The following SLC35F3 variants were observed in gnomAD, a reference collection of about 807,000 sequenced individuals.
SLC35F3 encodes the protein putative thiamine transporter SLC35F3.
A neutral mutation model predicts 49.9 loss-of-function variants in SLC35F3; 25 were observed. That is an observed-to-expected ratio of 0.50 (90% confidence interval 0.37 to 0.70). The LOEUF is 0.70. Among genes scored for constraint, SLC35F3 ranks in the 30% least tolerant of loss-of-function variants. The pLI is 0.00. For synonymous variants in SLC35F3, 275 were observed against 265.4 expected (o/e 1.04, Z -0.35); for missense variants, 525 against 639.8 (o/e 0.82, Z 1.94).
intron 3 of SLC35F3, among the ~76,000 whole-genome samples, chr1:234,256,938 AC>A (rs1158522729): frequency 6.6e-6 from 1 of 152,244 alleles, no homozygotes; most frequent in African/African-American, 2.4e-5. Context: ...TCAGGCTGCA[AC>A]TGTTTATGAG....
chr1:234,139,976 A>AAAT (rs1553308903), intron 2 of SLC35F3, among the ~76,000 whole-genome samples: 3 of 139,636 alleles, frequency 2.1e-5, no homozygotes. Flanking sequence ...AAATAAAATA[A>AAAT]AATAAAATAA....
chr1:233,923,587 C>T (rs1239772959), intron 2 of SLC35F3, among the ~76,000 whole-genome samples: 1 of 152,182 alleles, frequency 6.6e-6, no homozygotes. Context: ...ATCATGTCAT[C>T]TGCAAACAGG....
intron 2 of SLC35F3, among the ~76,000 whole-genome samples, chr1:234,029,699 A>T (rs1470447538): frequency 2.6e-5 from 4 of 152,060 alleles, no homozygotes; most frequent in Admixed American, 6.6e-5. Context: ...ACCACTCTTT[A>T]AAAGTTTCGA....
intron 3 of SLC35F3, among the ~76,000 whole-genome samples, chr1:234,238,960 G>A (rs1315038318): frequency 1.3e-5 from 2 of 152,154 alleles, no homozygotes; most frequent in Non-Finnish European, 2.9e-5. Context: ...CAATTTCACT[G>A]AAATTCTTTG....
intron 2 of SLC35F3, among the ~76,000 whole-genome samples, chr1:234,128,823 T>G (rs916255618): frequency 5.9e-5 from 9 of 152,190 alleles, no homozygotes; most frequent in African/African-American, 1.9e-4. Flanking sequence ...TTCCATCACA[T>G]TTCTTTCACT....
rs1320685114 is a variant in SLC35F3 at position 234,324,341 on chromosome 1, G to A, written c.*1098G>A. 1 of 152,178 alleles carries A rather than the reference G, an allele frequency of 6.6e-6. No individual in the cohort carries two copies. Among genetic ancestry groups the A allele is most frequent in the Non-Finnish European group, 1.5e-5 (1 of 68,026 alleles). The allele number at this position is 152,178 out of a possible 1,614,324, so 9.4% of individuals were successfully genotyped here. On this transcript the variant is annotated 3_prime_UTR_variant, in exon 8 of 8. Coordinates refer to ENST00000366618, the MANE Select transcript of SLC35F3 (RefSeq NM_173508.4). ...AGTTTACATTGTTACATATGAAATG[G>A]AAACATTATTTTGAAACGTTGTCAT...
At chr1:234,239,884 G>A (rs1007938297) in intron 3 of SLC35F3, among the ~76,000 whole-genome samples, 5 of 152,204 alleles carry the variant, frequency 3.3e-5, no homozygotes, top group Admixed American at 1.3e-4. Flanking sequence ...GAAAAAAATG[G>A]AGACTTTAAT....
intron 2 of SLC35F3, among the ~76,000 whole-genome samples, chr1:234,130,073 A>G (rs762923711): frequency 6.6e-6 from 1 of 152,240 alleles, no homozygotes; most frequent in Non-Finnish European, 1.5e-5. Flanking sequence ...CCATTTAGAA[A>G]CACAAGCCAT....
At chr1:233,991,639 T>C (rs1663356584) in intron 2 of SLC35F3, among the ~76,000 whole-genome samples, 1 of 152,102 alleles carries the variant, frequency 6.6e-6, no homozygotes, top group Non-Finnish European at 1.5e-5. Context: ...CCCTAATTTG[T>C]TTTTTACTTA....
chr1:234,014,588 T>G (rs907846862), intron 2 of SLC35F3, among the ~76,000 whole-genome samples: 2 of 152,092 alleles, frequency 1.3e-5, no homozygotes, highest in African/African-American at 4.8e-5. Context: ...CTTTGACCAC[T>G]CCACCCAAAA....
intron 2 of SLC35F3, among the ~76,000 whole-genome samples, chr1:234,211,512 A>G (rs1016435105): frequency 2.4e-4 from 36 of 152,144 alleles, no homozygotes; most frequent in African/African-American, 8.2e-4. Flanking sequence ...CCCCCCTTAC[A>G]TTGGTGTGAC....
At chr1:234,171,733 G>C (rs1047121589) in intron 2 of SLC35F3, among the ~76,000 whole-genome samples, 1 of 152,164 alleles carries the variant, frequency 6.6e-6, no homozygotes, top group Non-Finnish European at 1.5e-5. Context: ...AGCTAGACAG[G>C]AAGAATAATT....
Position 234,277,502 on chromosome 1 carries a change from A to G in SLC35F3, c.609-31599A>G, listed in dbSNP as rs183490206. On this transcript the variant is annotated intron_variant, in intron 3 of 7. Coordinates refer to ENST00000366618, the MANE Select transcript of SLC35F3 (RefSeq NM_173508.4). The stretch of plus-strand genomic sequence containing the variant: ...AAAGGCATCTTTACATCAGTGCTGC[A>G]TAGGTAGAAAAACGTTTTCTACATT... Among the ~76,000 whole-genome samples the G allele has an allele frequency of 2.7e-4, 41 of 152,382 alleles. No individual in the cohort carries two copies. The East Asian group carries it at 6.9e-3, about 26-fold the overall frequency.
At chr1:234,152,856 C>T (rs867308559) in intron 2 of SLC35F3, among the ~76,000 whole-genome samples, 1 of 152,148 alleles carries the variant, frequency 6.6e-6, no homozygotes, top group Non-Finnish European at 1.5e-5. Flanking sequence ...AATGTAAAAG[C>T]GTTTCTATTT....
chr1:234,162,419 T>C (rs6421392), intron 2 of SLC35F3, among the ~76,000 whole-genome samples: 19,661 of 129,218 alleles, frequency 0.15, 4,816 homozygotes, highest in African/African-American at 0.51. Flanking sequence ...AAGCAATCTT[T>C]AACAGAAGGT....
At chr1:234,294,061 C>T (rs1668552060) in intron 3 of SLC35F3, among the ~76,000 whole-genome samples, 1 of 152,152 alleles carries the variant, frequency 6.6e-6, no homozygotes, top group Admixed American at 6.5e-5. Flanking sequence ...GGGATAATTC[C>T]CCTGAATGTT....
chr1:233,965,170 G>T (rs897343344), intron 2 of SLC35F3, among the ~76,000 whole-genome samples: 1 of 152,036 alleles, frequency 6.6e-6, no homozygotes, highest in Non-Finnish European at 1.5e-5. Flanking sequence ...ATTCTCTAAG[G>T]GTTGAAGTTT....
intron 2 of SLC35F3, among the ~76,000 whole-genome samples, chr1:234,147,230 C>CT (rs201359916): frequency 0.22 from 27,128 of 124,860 alleles, 3,742 homozygotes; most frequent in Non-Finnish European, 0.33. Flanking sequence ...TTTCTATTTT[C>CT]TTTTTTTTTT....
At chr1:234,148,283 A>G (rs1014283192) in intron 2 of SLC35F3, among the ~76,000 whole-genome samples, 1 of 151,932 alleles carries the variant, frequency 6.6e-6, no homozygotes, top group Non-Finnish European at 1.5e-5. Flanking sequence ...ATCCACACGC[A>G]CTCAAGATGG....
Sources: gnomAD v4.1 joint callset for allele counts (sites outside exome capture counted in the v4.1 genomes callset) on GRCh38, gnomAD v4.1.1 for gene constraint, MANE v1.5 for transcripts, NCBI Gene and HGNC (gene_info 2026-07-23, HGNC 2026-07-21) for gene names.